Variants in CWF19L2 observed in about 807,000 individuals in gnomAD.
The protein encoded by CWF19L2 is CWF19-like protein 2.
CWF19L2 carries 98 observed loss-of-function variants against 111.7 expected under a neutral mutation model. The observed-to-expected ratio is 0.88, with a 90% confidence interval of 0.75 to 1.04. The LOEUF is 1.04. CWF19L2 is among the 50% of genes least tolerant of loss of function. The probability of loss-of-function intolerance (pLI) is 0.00; values close to 1 mark genes in which losing one functional copy is unlikely to be tolerated. For synonymous variants in CWF19L2, 351 were observed against 342.9 expected, an observed-to-expected ratio of 1.02 and a Z score of -0.26; for missense variants, 1,101 against 1,051.4, an observed-to-expected ratio of 1.05 and a Z score of -0.65.
chr11:107,399,999 T>TA (rs1565268712), intron 10 of CWF19L2, among the ~76,000 whole-genome samples: 3 of 151,850 alleles, frequency 2.0e-5, no homozygotes, highest in Non-Finnish European at 2.9e-5. Flanking sequence ...AGATAGAAAT[T>TA]TAAAAAATTC....
chr11:107,410,119 G>A (rs567698234), intron 10 of CWF19L2, among the ~76,000 whole-genome samples: 2 of 152,020 alleles, frequency 1.3e-5, no homozygotes, highest in Admixed American at 6.6e-5. Context: ...TCCAACAAAC[G>A]AGCTAAGCAA....
chr11:107,402,868 G>GGTGT (rs1290211766), intron 10 of CWF19L2, among the ~76,000 whole-genome samples: 1,004 of 41,814 alleles, frequency 0.024, 60 homozygotes, highest in African/African-American at 0.044. Flanking sequence ...AACAAACTGT[G>GGTGT]GTGTGTATAT....
chr11:107,401,862 T>A (rs1047131209), intron 10 of CWF19L2, among the ~76,000 whole-genome samples: 3 of 152,148 alleles, frequency 2.0e-5, no homozygotes, highest in African/African-American at 7.2e-5. Flanking sequence ...CAAAACAGCA[T>A]GGTACTGGTA....
intron 4 of CWF19L2, among the ~76,000 whole-genome samples, chr11:107,442,704 A>AAGAG (rs371970003): frequency 6.3e-5 from 8 of 126,618 alleles, no homozygotes; most frequent in East Asian, 2.8e-4. Flanking sequence ...GAAAGAGAGA[A>AAGAG]AGAGAGAGAG....
chr11:107,417,845 C>T (rs1313759089), intron 9 of CWF19L2, among the ~76,000 whole-genome samples: 1 of 151,908 alleles, frequency 6.6e-6, no homozygotes, highest in Non-Finnish European at 1.5e-5. Flanking sequence ...CTGCAATCTC[C>T]GCCTCCCAGG....
At position 107,448,953 on chromosome 11, in the gene CWF19L2, C is replaced by T. The variant is rs2135427746; in HGVS notation, c.339+5497G>A. The stretch of plus-strand genomic sequence containing the variant: ...ATGAACTAAGACAGTAGAATAAACA[C>T]AAAGAAATCAATACCAAGACATATC... On this transcript the variant is annotated intron_variant, in intron 3 of 17. Coordinates refer to ENST00000282251, the MANE Select transcript of CWF19L2 (RefSeq NM_152434.3). 2.6e-5 allele frequency among the ~76,000 whole-genome samples: 4 copies of T among 151,080 alleles called. No individual in the cohort carries two copies. The South Asian group carries it at 8.4e-4, about 32-fold the overall frequency.
At chr11:107,409,049 T>C (rs1214239743) in intron 10 of CWF19L2, among the ~76,000 whole-genome samples, 1 of 151,718 alleles carries the variant, frequency 6.6e-6, no homozygotes, top group Non-Finnish European at 1.5e-5. Flanking sequence ...TTTTCTGTTG[T>C]ACTGTGCTTA....
intron 15 of CWF19L2, among the ~76,000 whole-genome samples, chr11:107,335,540 C>T (rs910676753): frequency 3.3e-5 from 5 of 152,106 alleles, no homozygotes; most frequent in Admixed American, 6.6e-5. Context: ...CTTTTATTTA[C>T]CCCTCACACA....
chr11:107,350,434 G>A (rs1860141425), intron 13 of CWF19L2, among the ~76,000 whole-genome samples: 1 of 152,104 alleles, frequency 6.6e-6, no homozygotes, highest in African/African-American at 2.4e-5. Context: ...CCTTATGAAT[G>A]GGATTAATTA....
rs925075264 is a variant in CWF19L2 at position 107,433,274 on chromosome 11, C to T, written c.780+360G>A. ...ATATATACACTCTTTTAAAAAAATCCGTAAAGTACCCAAACTCTAGAATAT... is the reference window on the plus strand; with the variant it reads ...ATATATACACTCTTTTAAAAAAATCTGTAAAGTACCCAAACTCTAGAATAT... On this transcript the variant is annotated intron_variant, in intron 7 of 17. Transcript: ENST00000282251. Among the ~76,000 whole-genome samples, 8 of 151,816 alleles carry T rather than the reference C, an allele frequency of 5.3e-5. No homozygotes were observed. The South Asian group carries it at 1.5e-3, about 28-fold the overall frequency.
At chr11:107,340,120 T>G (rs1442449653) in intron 14 of CWF19L2, among the ~76,000 whole-genome samples, 1 of 152,206 alleles carries the variant, frequency 6.6e-6, no homozygotes, top group African/African-American at 2.4e-5. Flanking sequence ...ATCAGAGTAT[T>G]TTGCAGAACA....
At chr11:107,425,651 C>T (rs1217263223) in intron 8 of CWF19L2, among the ~76,000 whole-genome samples, 2 of 151,860 alleles carry the variant, frequency 1.3e-5, no homozygotes, top group Non-Finnish European at 2.9e-5. Flanking sequence ...GTTCACAGAT[C>T]TCCCTTATTT....
At chr11:107,430,676 A>G (rs1321180530) in intron 7 of CWF19L2, among the ~76,000 whole-genome samples, 1 of 152,158 alleles carries the variant, frequency 6.6e-6, no homozygotes, top group Non-Finnish European at 1.5e-5. Context: ...GAAAAGATGC[A>G]TCATACATAG....
chr11:107,388,445 C>T (rs931332656), intron 12 of CWF19L2, among the ~76,000 whole-genome samples: 4 of 151,932 alleles, frequency 2.6e-5, no homozygotes, highest in Admixed American at 6.6e-5. Context: ...TGCAGTGGCA[C>T]GATCTCAGGT....
rs181781716 is a variant in CWF19L2, at chr11:107,396,407, A to G, written c.1618-3512T>C. On this transcript the variant is annotated intron_variant, in intron 10 of 17. Coordinates refer to ENST00000282251, the MANE Select transcript of CWF19L2 (RefSeq NM_152434.3). ...TTTATAAGGACACTTTAATTAACAA[A>G]TCCCAAAATGCTCTGGGATCATTTA... 4.4e-3 allele frequency among the ~76,000 whole-genome samples: 667 copies of G among 152,318 alleles called. 4 individuals carry two copies. The highest frequency in any genetic ancestry group is 0.015 in the African/African-American group (624 of 41,574).
At chr11:107,440,595 C>T (rs1302885902) in intron 5 of CWF19L2, among the ~76,000 whole-genome samples, 1 of 151,792 alleles carries the variant, frequency 6.6e-6, no homozygotes, top group African/African-American at 2.4e-5. Flanking sequence ...CTCAACAGGA[C>T]AAAAAAGGCT....
intron 10 of CWF19L2, chr11:107,403,944 G>C: frequency 1.1e-6 from 1 of 883,694 alleles, no homozygotes; most frequent in Non-Finnish European, 1.9e-6. Context: ...TGTCGTTTAA[G>C]GACCTGCATT....
At chr11:107,392,732 G>A (rs758618485) in intron 11 of CWF19L2, 47 bp downstream of exon 11, 9 of 1,165,286 alleles carry the variant, frequency 7.7e-6, no homozygotes, top group Middle Eastern at 1.9e-4. Context: ...GCCCCAAGGG[G>A]AAGAAGGAAT....
intron 10 of CWF19L2, among the ~76,000 whole-genome samples, chr11:107,400,905 T>C (rs1219833350): frequency 6.6e-6 from 1 of 152,122 alleles, no homozygotes; most frequent in African/African-American, 2.4e-5. Flanking sequence ...GTAGGGATGG[T>C]TTAACATACA....
Sources: gnomAD v4.1 joint callset for allele counts (sites outside exome capture counted in the v4.1 genomes callset) on GRCh38, gnomAD v4.1.1 for gene constraint, MANE v1.5 for transcripts, NCBI Gene and HGNC (gene_info 2026-07-23, HGNC 2026-07-21) for gene names.